Variants in BRIP1 observed in about 807,000 individuals in gnomAD.
BRIP1 encodes the protein Fanconi anemia group J protein.
BRIP1 carries 88 observed loss-of-function variants against 119.7 expected under a neutral mutation model. The ratio of observed to expected loss-of-function variants is 0.74; its 90% CI spans 0.62 to 0.88. The LOEUF (loss-of-function observed/expected upper bound fraction) is 0.88, where lower values mean the gene tolerates loss of function less well. Ranked by LOEUF, BRIP1 falls within the 40% of genes least tolerant of loss-of-function variation. The pLI, the probability that BRIP1 is intolerant of heterozygous loss-of-function variation, is 0.00. For missense variants in BRIP1, 1,259 were observed against 1,455.4 expected (o/e 0.87, Z 2.20); for synonymous variants, 443 against 496.5 (o/e 0.89, Z 1.43).
Position 61,736,362 on chromosome 17 carries a change from A to C in BRIP1, c.2379+6651T>G. ...ATAAAAATATTTAAATAAATAAATA[A>C]TAAAAGAGGGATAGCTAATATAGTC... On this transcript the variant is annotated intron_variant, in intron 16 of 19. Coordinates refer to ENST00000259008, the MANE Select transcript of BRIP1 (RefSeq NM_032043.3). The surrounding 1 kb of genome is among the most constrained non-coding windows in gnomAD (Gnocchi z 4.4). Among the ~76,000 whole-genome samples the C allele has an allele frequency of 6.6e-6, 1 of 152,212 alleles. No individual in the cohort carries two copies. Among genetic ancestry groups the C allele is most frequent in the South Asian group, 2.1e-4 (1 of 4,828 alleles).
chr17:61,787,269 A>G (rs1213239842), intron 10 of BRIP1, among the ~76,000 whole-genome samples: 6 of 83,824 alleles, frequency 7.2e-5, no homozygotes, highest in African/African-American at 3.0e-4. Context: ...TATAAAATAT[A>G]TAAAAATATA....
At chr17:61,698,401 C>T (rs1000711910) in intron 17 of BRIP1, among the ~76,000 whole-genome samples, 4 of 152,098 alleles carry the variant, frequency 2.6e-5, no homozygotes, top group East Asian at 1.9e-4. Flanking sequence ...TATGGATGAA[C>T]GGATGGCCTA....
chr17:61,715,129 G>A (rs545230822), intron 17 of BRIP1, among the ~76,000 whole-genome samples: 13 of 151,648 alleles, frequency 8.6e-5, no homozygotes, highest in East Asian at 1.9e-4. Context: ...GAACCTGGGC[G>A]GTGGAGGATG....
In BRIP1 at chr17:61,752,350, C is replaced by T. The variant is rs1385221508; in HGVS notation, c.2098-7759G>A. Among the ~76,000 whole-genome samples, 1 of 151,896 alleles carries T rather than the reference C, an allele frequency of 6.6e-6. No homozygotes were observed. The highest frequency in any genetic ancestry group is 1.9e-4 in the East Asian group (1 of 5,188). ...AAGAGTTAAGAAAAAAAATGCAAAC[C>T]TTGAGAATAAGATAAAAAAGAAACA... On this transcript the variant is annotated intron_variant, in intron 14 of 19. Coordinates refer to ENST00000259008, the MANE Select transcript of BRIP1 (RefSeq NM_032043.3). The surrounding 1 kb of genome is among the most constrained non-coding windows in gnomAD (Gnocchi z 6.2).
chr17:61,764,463 A>AT (rs540771745), intron 14 of BRIP1, among the ~76,000 whole-genome samples: 2 of 152,148 alleles, frequency 1.3e-5, no homozygotes, highest in Non-Finnish European at 1.5e-5. Flanking sequence ...GACCTCTGGG[A>AT]TAAGTATATT....
rs895902618 is a variant in BRIP1, at chr17:61,824,474, A to G, written c.628-15717T>C. 1.3e-5 allele frequency among the ~76,000 whole-genome samples: 2 copies of G among 152,364 alleles called. No individual in the cohort carries two copies. The highest frequency in any genetic ancestry group is 4.8e-5 in the African/African-American group (2 of 41,580). On this transcript the variant is annotated intron_variant, in intron 6 of 19. Coordinates refer to ENST00000259008, the MANE Select transcript of BRIP1 (RefSeq NM_032043.3). This position sits in a 1 kb window ranked among gnomAD's most constrained non-coding sequence, Gnocchi z 4.3. ...GGCATAAAAACAGAAATATAGACCA[A>G]TGGAACAGAATAGAAATTCCAAAAG...
intron 10 of BRIP1, among the ~76,000 whole-genome samples, chr17:61,791,285 T>C (rs1316339941): frequency 1.3e-5 from 2 of 151,624 alleles, no homozygotes; most frequent in African/African-American, 4.8e-5. Context: ...GGTCAGGAGT[T>C]TGACACCAGC....
In BRIP1 at chr17:61,685,986, A is replaced by G. The variant is rs4986764; in HGVS notation, c.2755T>C (p.Ser919Pro). ...CTTGCTGCTTCCAGTAAATAAGGTG[A>G]GGTACTGTACTTTAAAGAGGTCACT... ...LEVTSLKYST[S>P]PYLLEAASHL... Residue 919 changes from serine to proline, a missense_variant, in exon 19 of 20, where the codon TCA becomes CCA. Ser to Pro is a moderately conservative substitution (Grantham distance 74). Transcript: ENST00000259008. The G allele has an allele frequency of 0.59, 959,555 of 1,613,258 alleles. 289,538 individuals carry two copies. The highest frequency in any genetic ancestry group is 0.78 in the Admixed American group (46,599 of 59,992).
rs776578985 is a variant in BRIP1, at chr17:61,726,752, CTT to C, written c.2380-10691_2380-10690del. Among the ~76,000 whole-genome samples, 6 of 152,184 alleles carry C rather than the reference CTT, an allele frequency of 3.9e-5. No homozygotes were observed. Among genetic ancestry groups the C allele is most frequent in the East Asian group, 1.9e-4 (1 of 5,194 alleles). On this transcript the variant is annotated intron_variant, in intron 16 of 19. Coordinates refer to ENST00000259008, the MANE Select transcript of BRIP1 (RefSeq NM_032043.3). This position sits in a 1 kb window ranked among gnomAD's most constrained non-coding sequence, Gnocchi z 6.2. The stretch of plus-strand genomic sequence containing the variant: ...AGAAATTTTAGCTAACATTAGCACT[CTT>C]TAATATCCTCCATAATACTTTTTGG...
intron 16 of BRIP1, among the ~76,000 whole-genome samples, chr17:61,741,227 A>G (rs1212809240): frequency 6.6e-6 from 1 of 152,192 alleles, no homozygotes; most frequent in Non-Finnish European, 1.5e-5. Context: ...CAATTTAGTC[A>G]CGTCTTAAGC....
Position 61,757,460 on chromosome 17 carries a change from A to T in BRIP1, c.2098-12869T>A, listed in dbSNP as rs2077215487. 6.6e-6 allele frequency among the ~76,000 whole-genome samples: 1 copy of T among 152,190 alleles called. No homozygotes were observed. Among genetic ancestry groups the T allele is most frequent in the Non-Finnish European group, 1.5e-5 (1 of 68,040 alleles). On this transcript the variant is annotated intron_variant, in intron 14 of 19. Transcript: ENST00000259008. This position sits in a 1 kb window ranked among gnomAD's most constrained non-coding sequence, Gnocchi z 4.3. The stretch of plus-strand genomic sequence containing the variant: ...ATCTAACTGGAAATGAAGATCCTAC[A>T]GCCCTCTCTGAAAAGGAACACTCTC...
In BRIP1 at chr17:61,798,062, T is replaced by C. The variant is rs2077928885; in HGVS notation, c.1340+1038A>G. Among the ~76,000 whole-genome samples the C allele has an allele frequency of 6.6e-6, 1 of 152,016 alleles. No individual in the cohort carries two copies. The highest frequency in any genetic ancestry group is 2.1e-4 in the South Asian group (1 of 4,836). ...TTCTAAAAAGATTCCTATAGATATA[T>C]TTGCATACAAATGAAATTATGTATG... On this transcript the variant is annotated intron_variant, in intron 9 of 19. Coordinates refer to ENST00000259008, the MANE Select transcript of BRIP1 (RefSeq NM_032043.3). This position sits in a 1 kb window ranked among gnomAD's most constrained non-coding sequence, Gnocchi z 5.5.
Position 61,794,209 on chromosome 17 carries a change from TG to T in BRIP1, c.1341-481del, listed in dbSNP as rs1390319421. On this transcript the variant is annotated intron_variant, in intron 9 of 19. Coordinates refer to ENST00000259008, the MANE Select transcript of BRIP1 (RefSeq NM_032043.3). This position sits in a 1 kb window ranked among gnomAD's most constrained non-coding sequence, Gnocchi z 4.3. ...TGAATGCCTATTTTATTCCAGACATTGTTCTGGGTAGTGAAAATAACAGCAG... is the reference window on the plus strand; with the variant it reads ...TGAATGCCTATTTTATTCCAGACATTTTCTGGGTAGTGAAAATAACAGCAG... Among the ~76,000 whole-genome samples the T allele has an allele frequency of 6.6e-6, 1 of 152,170 alleles. No individual in the cohort carries two copies. Among genetic ancestry groups the T allele is most frequent in the East Asian group, 1.9e-4 (1 of 5,200 alleles).
Position 61,814,684 on chromosome 17 carries a change from C to A in BRIP1, c.628-5927G>T, listed in dbSNP as rs890733753. Among the ~76,000 whole-genome samples the A allele has an allele frequency of 2.6e-5, 4 of 151,966 alleles. No homozygotes were observed. ...TGGTGATCTAGTGAAATCAAAGATA[C>A]ATATACCCTTTGACCCAGCATGACA... On this transcript the variant is annotated intron_variant, in intron 6 of 19. Transcript: ENST00000259008. The surrounding 1 kb of genome is among the most constrained non-coding windows in gnomAD (Gnocchi z 4.9).
chr17:61,786,676 T>C (rs538344003), intron 10 of BRIP1, among the ~76,000 whole-genome samples: 6 of 144,526 alleles, frequency 4.2e-5, no homozygotes, highest in African/African-American at 7.5e-5. Context: ...GAATTAAAAT[T>C]AACAGCTTTA....
In BRIP1 at chr17:61,748,001, G is replaced by T. The variant is rs907173162; in HGVS notation, c.2098-3410C>A. 1.3e-5 allele frequency among the ~76,000 whole-genome samples: 2 copies of T among 151,520 alleles called. No homozygotes were observed. The highest frequency in any genetic ancestry group is 2.1e-4 in the South Asian group (1 of 4,796). On this transcript the variant is annotated intron_variant, in intron 14 of 19. Coordinates refer to ENST00000259008, the MANE Select transcript of BRIP1 (RefSeq NM_032043.3). The surrounding 1 kb of genome is among the most constrained non-coding windows in gnomAD (Gnocchi z 4.7). ...GCTCCTCCTGCCTTGGCCTCCCAAAGTGCTGGGATTACAGGTGTGAGCCAC... is the reference window on the plus strand; with the variant it reads ...GCTCCTCCTGCCTTGGCCTCCCAAATTGCTGGGATTACAGGTGTGAGCCAC...
Position 61,689,026 on chromosome 17 carries a change from C to CTGTTA in BRIP1, c.2576-2866_2576-2862dup, listed in dbSNP as rs142198967. Among the ~76,000 whole-genome samples, 260 of 145,698 alleles carry CTGTTA rather than the reference C, an allele frequency of 1.8e-3. 2 individuals carry two copies. The highest frequency in any genetic ancestry group is 6.3e-3 in the East Asian group (31 of 4,904). On this transcript the variant is annotated intron_variant, in intron 18 of 19. Coordinates refer to ENST00000259008, the MANE Select transcript of BRIP1 (RefSeq NM_032043.3). This position sits in a 1 kb window ranked among gnomAD's most constrained non-coding sequence, Gnocchi z 4.5. ...TACTTTATTTTATATATTTTATATT[C>CTGTTA]TGTTATGTTATGTTATGTTATGTTA...
At position 61,834,108 on chromosome 17, in the gene BRIP1, C is replaced by T. The variant is rs1310689384; in HGVS notation, c.627+12993G>A. The stretch of plus-strand genomic sequence containing the variant: ...TGCCCATGGGTCATAGTTTGCCAAC[C>T]ACTGGCATAGGAAAAAAGATTACGA... On this transcript the variant is annotated intron_variant, in intron 6 of 19. Coordinates refer to ENST00000259008, the MANE Select transcript of BRIP1 (RefSeq NM_032043.3). This position sits in a 1 kb window ranked among gnomAD's most constrained non-coding sequence, Gnocchi z 4.4. 6.6e-6 allele frequency among the ~76,000 whole-genome samples: 1 copy of T among 152,044 alleles called. No homozygotes were observed. Among genetic ancestry groups the T allele is most frequent in the Non-Finnish European group, 1.5e-5 (1 of 68,018 alleles).
At chr17:61,811,080 A>G (rs2078153418) in intron 6 of BRIP1, among the ~76,000 whole-genome samples, 1 of 152,192 alleles carries the variant, frequency 6.6e-6, no homozygotes, top group African/African-American at 2.4e-5. Flanking sequence ...TCACTCCATA[A>G]TTCAGAATAT....
Sources: allele counts gnomAD v4.1 joint callset (sites outside exome capture counted in the v4.1 genomes callset), GRCh38; gene constraint gnomAD v4.1.1; non-coding constraint Gnocchi (gnomAD v3.1); transcripts MANE v1.5; gene names NCBI Gene and HGNC (gene_info 2026-07-23, HGNC 2026-07-21).